INSL6: variants seen among roughly 807,000 people sequenced by gnomAD.
INSL6 encodes the protein insulin-like peptide INSL6.
Under a neutral mutation model 9.4 loss-of-function variants are expected in INSL6, and 16 were observed. The observed-to-expected ratio is 1.70, with a 90% CI of 1.15 to 2.59. The LOEUF (loss-of-function observed/expected upper bound fraction) is 2.59. INSL6 is among the 30% of genes most tolerant of loss of function. The pLI, the probability that INSL6 is intolerant of heterozygous loss-of-function variation, is 0.00. For missense variants in INSL6, 391 were observed against 257.3 expected, an observed-to-expected ratio of 1.52 and a Z score of -3.56; for synonymous variants, 154 against 96.9, an observed-to-expected ratio of 1.59 and a Z score of -3.46.
At chr9:5,039,167 C>T in the INSL6 span, among the ~76,000 whole-genome samples, 1 of 151,674 alleles carries the variant, frequency 6.6e-6, no homozygotes, top group African/African-American at 2.4e-5. Flanking sequence ...GGAAATTAGG[C>T]AAGAAAAAGA....
chr9:5,074,398 C>T, the INSL6 span, among the ~76,000 whole-genome samples: 1 of 152,104 alleles, frequency 6.6e-6, no homozygotes, highest in African/African-American at 2.4e-5. Context: ...GCAACATTTT[C>T]CCAACAGCAT....
the INSL6 span, among the ~76,000 whole-genome samples, chr9:5,000,007 C>A: frequency 6.6e-6 from 1 of 152,156 alleles, no homozygotes; most frequent in Non-Finnish European, 1.5e-5. Flanking sequence ...AACAATATCT[C>A]ATTTTTATGT....
the INSL6 span, among the ~76,000 whole-genome samples, chr9:5,052,785 G>C: frequency 2.6e-5 from 4 of 151,942 alleles, no homozygotes; most frequent in African/African-American, 9.7e-5. Context: ...CACTTAATAT[G>C]ATGTTTCCAA....
At chr9:5,175,572 G>A (rs1262406861) in intron 1 of INSL6, among the ~76,000 whole-genome samples, 1 of 152,150 alleles carries the variant, frequency 6.6e-6, no homozygotes, top group Non-Finnish European at 1.5e-5. Flanking sequence ...TAGGAACCAG[G>A]CCACATGGCA....
the INSL6 span, among the ~76,000 whole-genome samples, chr9:5,023,252 G>A: frequency 6.6e-6 from 1 of 152,128 alleles, no homozygotes; most frequent in African/African-American, 2.4e-5. Context: ...ATGAGAACTT[G>A]TTATATTTGT....
At chr9:5,135,900 A>G (rs1169283288) in intron 2 of INSL6, among the ~76,000 whole-genome samples, 4 of 152,176 alleles carry the variant, frequency 2.6e-5, no homozygotes, top group Non-Finnish European at 5.9e-5. Context: ...ACAAGAAAAG[A>G]GAGAAGAATC....
chr9:5,143,226 T>C (rs1824537287), intron 2 of INSL6, among the ~76,000 whole-genome samples: 1 of 146,132 alleles, frequency 6.8e-6, no homozygotes, highest in Non-Finnish European at 1.5e-5. Flanking sequence ...GAGGAGTTCC[T>C]TCTCCTCAAT....
the INSL6 span, among the ~76,000 whole-genome samples, chr9:5,009,101 G>C: frequency 1.3e-5 from 2 of 152,114 alleles, no homozygotes; most frequent in Non-Finnish European, 2.9e-5. Flanking sequence ...AGTATGATTA[G>C]AGCAGCATTT....
the INSL6 span, among the ~76,000 whole-genome samples, chr9:5,023,357 A>C: frequency 6.6e-6 from 1 of 152,046 alleles, no homozygotes; most frequent in African/African-American, 2.4e-5. Context: ...TTACGATGCC[A>C]CTGGGCCCCA....
chr9:5,054,539 C>T, the INSL6 span: 76 of 1,518,688 alleles, frequency 5.0e-5, no homozygotes, highest in Admixed American at 1.5e-3. This position sits in a 1 kb window ranked among gnomAD's most constrained non-coding sequence, Gnocchi z 4.9. Flanking sequence ...TTTTGTTTTT[C>T]TGTATGTGCT....
At chr9:5,034,507 G>A in the INSL6 span, among the ~76,000 whole-genome samples, 57,911 of 151,132 alleles carry the variant, frequency 0.38, 12,992 homozygotes, top group African/African-American at 0.64. Flanking sequence ...TCCTCAGCAA[G>A]TGTAAAAGAA....
chr9:5,012,119 G>A, the INSL6 span, among the ~76,000 whole-genome samples: 1 of 152,048 alleles, frequency 6.6e-6, no homozygotes, highest in Non-Finnish European at 1.5e-5. Context: ...TCAATTTTTG[G>A]CTTTTCTAGC....
At chr9:5,029,700 T>C in the INSL6 span, 4 of 1,273,006 alleles carry the variant, frequency 3.1e-6, no homozygotes, top group South Asian at 1.6e-5. Flanking sequence ...GTTGTTACTT[T>C]AGCTTCATTT....
At chr9:5,089,537 CAAAAAAAAAA>C in the INSL6 span, 107 of 87,068 alleles carry the variant, frequency 1.2e-3, 2 homozygotes, top group African/African-American at 3.1e-3. Flanking sequence ...GACTTCGTCT[CAAAAAAAAAA>C]AAAAAAAAAA....
chr9:5,031,942 G>C, the INSL6 span, among the ~76,000 whole-genome samples: 1 of 152,240 alleles, frequency 6.6e-6, no homozygotes, highest in Non-Finnish European at 1.5e-5. Flanking sequence ...CACTGAGCAT[G>C]AGCCGAAGCA....
chr9:5,015,548 T>A, the INSL6 span, among the ~76,000 whole-genome samples: 47 of 151,504 alleles, frequency 3.1e-4, no homozygotes, highest in Non-Finnish European at 5.0e-4. Context: ...CTTTTTTTTT[T>A]TTTTGAGACA....
chr9:5,118,670 GA>G, the INSL6 span, among the ~76,000 whole-genome samples: 2 of 152,154 alleles, frequency 1.3e-5, no homozygotes, highest in South Asian at 2.1e-4. Flanking sequence ...TAAACGCTGA[GA>G]AAACTTGTTT....
At chr9:5,044,504 C>G in the INSL6 span, 2 of 1,597,650 alleles carry the variant, frequency 1.3e-6, no homozygotes, top group Non-Finnish European at 1.7e-6. Flanking sequence ...TTTGTCATGT[C>G]TTACCTCTTT....
intron 1 of INSL6, among the ~76,000 whole-genome samples, chr9:5,174,446 C>T (rs544323927): frequency 3.3e-5 from 5 of 152,288 alleles, no homozygotes; most frequent in Admixed American, 6.5e-5. Context: ...TTATGAAATA[C>T]ACCTCTTCCT....
Sources: allele counts gnomAD v4.1 joint callset (sites outside exome capture counted in the v4.1 genomes callset), GRCh38; gene constraint gnomAD v4.1.1; non-coding constraint Gnocchi (gnomAD v3.1); transcripts MANE v1.5; gene names NCBI Gene and HGNC (gene_info 2026-07-23, HGNC 2026-07-21).